The following SPIDR variants were observed in gnomAD, a reference collection of about 807,000 sequenced individuals.
SPIDR encodes the protein DNA repair-scaffolding protein.
SPIDR carries 93 observed loss-of-function variants against 104.6 expected under a neutral mutation model. The observed-to-expected ratio is 0.89, with a 90% confidence interval of 0.75 to 1.06. SPIDR has a LOEUF of 1.06. Ranked by LOEUF, SPIDR falls within the 50% of genes least tolerant of loss-of-function variation. The pLI is 0.00. For synonymous variants in SPIDR, 431 were observed against 416.9 expected, an observed-to-expected ratio of 1.03 and a Z score of -0.41; for missense variants, 1,154 against 1,111.2, an observed-to-expected ratio of 1.04 and a Z score of -0.55.
At chr8:47,391,928 G>T (rs1554652395) in intron 5 of SPIDR, among the ~76,000 whole-genome samples, 1 of 150,138 alleles carries the variant, frequency 6.7e-6, no homozygotes, top group Admixed American at 6.6e-5. Flanking sequence ...CCTGGGAGGC[G>T]GAGCTTGCAG....
chr8:47,644,321 A>G (rs796944389), intron 10 of SPIDR, among the ~76,000 whole-genome samples: 14 of 152,358 alleles, frequency 9.2e-5, no homozygotes, highest in African/African-American at 3.4e-4. Context: ...AGCTGATGTC[A>G]GGTCTCTCTC....
At chr8:47,703,613 C>T (rs759288847) in intron 14 of SPIDR, among the ~76,000 whole-genome samples, 2 of 152,180 alleles carry the variant, frequency 1.3e-5, no homozygotes. Context: ...TATTTACAGA[C>T]ACCAAAATTT....
chr8:47,509,661 T>C (rs1224148525), intron 8 of SPIDR, among the ~76,000 whole-genome samples: 1 of 152,190 alleles, frequency 6.6e-6, no homozygotes, highest in African/African-American at 2.4e-5. Context: ...ATTTTCTTAC[T>C]TCCTCTTTAG....
intron 7 of SPIDR, among the ~76,000 whole-genome samples, chr8:47,415,685 A>C (rs991127617): frequency 6.6e-6 from 1 of 152,200 alleles, no homozygotes; most frequent in African/African-American, 2.4e-5. Flanking sequence ...CACTAGGCAC[A>C]GAGTCTGCCA....
At position 47,427,711 on chromosome 8, in the gene SPIDR, A is replaced by T. The variant is rs2066652057; in HGVS notation, c.878-12612A>T. Among the ~76,000 whole-genome samples the T allele has an allele frequency of 2.6e-5, 4 of 152,180 alleles. No homozygotes were observed. In the South Asian group the frequency reaches 8.3e-4, roughly 32 times the overall value. ...CGTCAGGCTACCTCAGGAGCAGTGG[A>T]TGTGGTGCCCCACAGTGCAGCCCAC... On this transcript the variant is annotated intron_variant, in intron 7 of 19. Coordinates refer to ENST00000297423, the MANE Select transcript of SPIDR (RefSeq NM_001080394.4).
chr8:47,622,549 A>G lies in SPIDR; in HGVS notation c.1544+23353A>G, dbSNP rs552437545. On this transcript the variant is annotated intron_variant, in intron 10 of 19. Coordinates refer to ENST00000297423, the MANE Select transcript of SPIDR (RefSeq NM_001080394.4). ...AGCCTCACAGCCAGCTAGGGGGTGC[A>G]CAGAAGGTGGAGTTAATGACAGGAT... Among the ~76,000 whole-genome samples, 17 of 152,272 alleles carry G rather than the reference A, an allele frequency of 1.1e-4. No homozygotes were observed. In the South Asian group the frequency reaches 2.9e-3, roughly 26 times the overall value.
intron 10 of SPIDR, among the ~76,000 whole-genome samples, chr8:47,616,720 A>G (rs189762670): frequency 1.2e-4 from 18 of 152,384 alleles, no homozygotes; most frequent in Admixed American, 1.2e-3. Flanking sequence ...TCCCAAATAC[A>G]GAGTGTTCCC....
intron 10 of SPIDR, among the ~76,000 whole-genome samples, chr8:47,671,211 A>G (rs1343790768): frequency 6.6e-6 from 1 of 152,152 alleles, no homozygotes; most frequent in Non-Finnish European, 1.5e-5. Flanking sequence ...CACCTGGTCT[A>G]GAAATCATTT....
At chr8:47,262,771 A>G (rs1488023469) in intron 1 of SPIDR, among the ~76,000 whole-genome samples, 1 of 152,196 alleles carries the variant, frequency 6.6e-6, no homozygotes, top group Non-Finnish European at 1.5e-5. Flanking sequence ...GCCACCTTGG[A>G]GGCTGGCTTC....
intron 11 of SPIDR, among the ~76,000 whole-genome samples, chr8:47,696,332 GT>G (rs943323823): frequency 2.0e-5 from 3 of 151,808 alleles, no homozygotes; most frequent in Admixed American, 6.6e-5. Flanking sequence ...AAGAAAATTG[GT>G]TTTTTTTCAT....
At chr8:47,317,976 A>T (rs1294829380) in intron 5 of SPIDR, among the ~76,000 whole-genome samples, 1 of 152,192 alleles carries the variant, frequency 6.6e-6, no homozygotes, top group Non-Finnish European at 1.5e-5. Flanking sequence ...AAGGTAGATA[A>T]AACCACAAAG....
intron 8 of SPIDR, among the ~76,000 whole-genome samples, chr8:47,559,345 T>C (rs1261642256): frequency 6.6e-6 from 1 of 152,260 alleles, no homozygotes; most frequent in African/African-American, 2.4e-5. Flanking sequence ...CTAAAGCTGC[T>C]GTACCCTGCC....
At chr8:47,537,332 T>A (rs538952006) in intron 8 of SPIDR, among the ~76,000 whole-genome samples, 1 of 152,314 alleles carries the variant, frequency 6.6e-6, no homozygotes, top group African/African-American at 2.4e-5. Flanking sequence ...AGTAGGTGAA[T>A]GGATAAACAT....
chr8:47,421,276 T>C (rs2065406680), intron 7 of SPIDR, among the ~76,000 whole-genome samples: 1 of 152,162 alleles, frequency 6.6e-6, no homozygotes, highest in Non-Finnish European at 1.5e-5. Context: ...TCTTTTCACA[T>C]AGTCCTATAT....
At chr8:47,269,165 CTTTTTTT>C (rs1160351168) in intron 1 of SPIDR, among the ~76,000 whole-genome samples, 3 of 111,810 alleles carry the variant, frequency 2.7e-5, no homozygotes, top group African/African-American at 3.8e-5. Context: ...AGACCCTCTC[CTTTTTTT>C]TTTTTTTTTT....
At chr8:47,486,249 A>T (rs1451079814) in intron 8 of SPIDR, among the ~76,000 whole-genome samples, 1 of 152,248 alleles carries the variant, frequency 6.6e-6, no homozygotes, top group Non-Finnish European at 1.5e-5. Context: ...AAGAAAAGGT[A>T]TCAGAGACTG....
intron 5 of SPIDR, among the ~76,000 whole-genome samples, chr8:47,348,320 G>GT (rs1485378513): frequency 6.6e-6 from 1 of 152,184 alleles, no homozygotes; most frequent in Non-Finnish European, 1.5e-5. Context: ...GATATCCTCT[G>GT]TTAGTCTGAT....
chr8:47,601,912 C>G lies in SPIDR; in HGVS notation c.1544+2716C>G, dbSNP rs546123693. 3.3e-5 allele frequency among the ~76,000 whole-genome samples: 5 copies of G among 152,204 alleles called. No individual in the cohort carries two copies. The South Asian group carries it at 1.0e-3, about 32-fold the overall frequency. The stretch of plus-strand genomic sequence containing the variant: ...GTCTTTGGGTACAAGAAGATCTGAT[C>G]ATTAATATTTTCTAGATTATTTTGC... On this transcript the variant is annotated intron_variant, in intron 10 of 19. Coordinates refer to ENST00000297423, the MANE Select transcript of SPIDR (RefSeq NM_001080394.4).
intron 8 of SPIDR, among the ~76,000 whole-genome samples, chr8:47,584,674 T>C (rs973365093): frequency 2.6e-5 from 4 of 152,196 alleles, no homozygotes; most frequent in African/African-American, 9.7e-5. Flanking sequence ...TACCTACTGC[T>C]TCCTTCTTCT....
Sources: allele counts gnomAD v4.1 joint callset (sites outside exome capture counted in the v4.1 genomes callset), GRCh38; gene constraint gnomAD v4.1.1; transcripts MANE v1.5; gene names NCBI Gene and HGNC (gene_info 2026-07-23, HGNC 2026-07-21).